Variants in KANK1 observed in about 807,000 individuals in gnomAD.
The protein encoded by KANK1 is KN motif and ankyrin repeat domains 1.
Under a neutral mutation model 106.2 loss-of-function variants are expected in KANK1, and 109 were observed. The observed-to-expected ratio is 1.03, with a 90% CI of 0.88 to 1.20. The LOEUF is 1.20. KANK1 is among the 50% of genes most tolerant of loss of function. The pLI, the probability that KANK1 is intolerant of heterozygous loss-of-function variation, is 0.00. For synonymous variants in KANK1, 873 were observed against 652.2 expected (o/e 1.34, Z -5.16); for missense variants, 2,399 against 1,710.7 (o/e 1.40, Z -7.10).
At chr9:644,809 C>A (rs1839288993) in intron 1 of KANK1, among the ~76,000 whole-genome samples, 2 of 150,990 alleles carry the variant, frequency 1.3e-5, no homozygotes, top group Non-Finnish European at 2.9e-5. Flanking sequence ...CTGAATTCTG[C>A]TGTGACATTT....
At chr9:540,245 A>T (rs1053830971) in intron 1 of KANK1, among the ~76,000 whole-genome samples, 3 of 152,240 alleles carry the variant, frequency 2.0e-5, no homozygotes, top group Non-Finnish European at 2.9e-5. Flanking sequence ...TCATGAAAGG[A>T]TGTTGAATTC....
At chr9:653,618 G>A (rs1365068107) in intron 1 of KANK1, among the ~76,000 whole-genome samples, 1 of 152,106 alleles carries the variant, frequency 6.6e-6, no homozygotes. Context: ...TGATTTCGGA[G>A]GTTTCAAGAG....
chr9:537,244 C>G (rs1046030716), intron 1 of KANK1, among the ~76,000 whole-genome samples: 1 of 152,288 alleles, frequency 6.6e-6, no homozygotes, highest in Non-Finnish European at 1.5e-5. Flanking sequence ...AATTGGACCC[C>G]TCTGTGACAT....
intron 1 of KANK1, among the ~76,000 whole-genome samples, chr9:669,042 A>G (rs565965377): frequency 6.6e-6 from 1 of 152,238 alleles, no homozygotes; most frequent in African/African-American, 2.4e-5. Context: ...CCTGTCTTAG[A>G]TCACAAAAAA....
chr9:542,944 T>A (rs10815182), intron 1 of KANK1, among the ~76,000 whole-genome samples: 64,238 of 151,820 alleles, frequency 0.42, 16,810 homozygotes, highest in East Asian at 0.78. Flanking sequence ...TTCAGTTAAG[T>A]TAAATATGTT....
chr9:570,055 G>A (rs1298666136), intron 1 of KANK1, among the ~76,000 whole-genome samples: 1 of 152,056 alleles, frequency 6.6e-6, no homozygotes, highest in Non-Finnish European at 1.5e-5. Flanking sequence ...GAATAGAATA[G>A]TTTTTTTCTC....
At chr9:578,720 C>T (rs998841820) in intron 1 of KANK1, among the ~76,000 whole-genome samples, 2 of 152,150 alleles carry the variant, frequency 1.3e-5, no homozygotes, top group African/African-American at 2.4e-5. Flanking sequence ...CTCTTCTTTA[C>T]CCTCAAGAAA....
intron 1 of KANK1, among the ~76,000 whole-genome samples, chr9:505,135 G>A (rs2058688371): frequency 6.6e-6 from 1 of 152,140 alleles, no homozygotes; most frequent in Admixed American, 6.5e-5. Context: ...ACCCCGGCCC[G>A]GCGCTCTGTC....
chr9:703,754 C>G lies in KANK1; in HGVS notation c.38-7050C>G, dbSNP rs922165055. Among the ~76,000 whole-genome samples the G allele has an allele frequency of 1.2e-4, 18 of 151,900 alleles. 1 individual carries two copies. The stretch of plus-strand genomic sequence containing the variant: ...TGAGACGGAGTCTTGCTCTGTCACC[C>G]AGGCTGGAATGCAGTGGCGTGATCT... On this transcript the variant is annotated intron_variant, in intron 2 of 11. Transcript: ENST00000382297.
In KANK1 at chr9:730,195, G is replaced by T; in HGVS notation, c.2843G>T (p.Gly948Val). 3 of 1,614,204 alleles carry T rather than the reference G, an allele frequency of 1.9e-6. No homozygotes were observed. The highest frequency in any genetic ancestry group is 2.5e-6 in the Non-Finnish European group (3 of 1,180,042). The change falls in exon 4 of 12, where the codon GGT becomes GTT. Residue 948 changes from glycine (G) to valine (V), a missense_variant. Physicochemically the swap from Gly to Val is moderately radical, Grantham distance 109. Coordinates refer to ENST00000382297, the MANE Select transcript of KANK1 (RefSeq NM_015158.5). ...SSLDAFPTQEGTLSPVNLTDD... is the reference protein window; with the variant it reads ...SSLDAFPTQEVTLSPVNLTDD... ...CTGGATGCCTTCCCCACTCAGGAAG[G>T]TACGCTGTCTCCAGTGAACCTGACA...
intron 2 of KANK1, among the ~76,000 whole-genome samples, chr9:679,414 A>G (rs564153237): frequency 2.0e-4 from 23 of 114,604 alleles, no homozygotes; most frequent in Admixed American, 3.8e-4. Flanking sequence ...ACACTCATAG[A>G]AAAAAAAAAT....
chr9:577,326 T>C (rs1404424559), intron 1 of KANK1, among the ~76,000 whole-genome samples: 1 of 152,024 alleles, frequency 6.6e-6, no homozygotes, highest in African/African-American at 2.4e-5. Context: ...GATTGGTGTG[T>C]TATTACAGAG....
intron 1 of KANK1, among the ~76,000 whole-genome samples, chr9:604,488 C>T (rs1438150750): frequency 6.6e-6 from 1 of 151,762 alleles, no homozygotes; most frequent in African/African-American, 2.4e-5. Flanking sequence ...GTCTCTCCTG[C>T]TGTCATGTGA....
rs144576553 is a variant in KANK1 at position 716,848 on chromosome 9, T to C, written c.2698+3384T>C. 5.8e-4 allele frequency among the ~76,000 whole-genome samples: 88 copies of C among 152,318 alleles called. 2 individuals are homozygous for C. Among genetic ancestry groups the C allele is most frequent in the African/African-American group, 2.1e-3 (86 of 41,576 alleles). On this transcript the variant is annotated intron_variant, in intron 3 of 11. Coordinates refer to ENST00000382297, the MANE Select transcript of KANK1 (RefSeq NM_015158.5). ...TTTTAATTATCTGGTCATGTTATCCTGTGCCTGTAGCCTCAGCTACTCAGG... is the reference window on the plus strand; with the variant it reads ...TTTTAATTATCTGGTCATGTTATCCCGTGCCTGTAGCCTCAGCTACTCAGG...
At chr9:689,826 G>T (rs1819450603) in intron 2 of KANK1, among the ~76,000 whole-genome samples, 1 of 152,140 alleles carries the variant, frequency 6.6e-6, no homozygotes, top group Non-Finnish European at 1.5e-5. Flanking sequence ...CCCTCAGCGT[G>T]GGGTAGCAGA....
At chr9:658,339 A>G (rs527780677) in intron 1 of KANK1, among the ~76,000 whole-genome samples, 77 of 152,272 alleles carry the variant, frequency 5.1e-4, no homozygotes, top group African/African-American at 1.7e-3. Flanking sequence ...GACCAACAGG[A>G]CTAAGCAAAT....
rs149601106 is a variant in KANK1, at chr9:614,188, A to C, written c.-83-62702A>C. Among the ~76,000 whole-genome samples, 743 of 152,298 alleles carry C rather than the reference A, an allele frequency of 4.9e-3. 14 individuals are homozygous for C. The highest frequency in any genetic ancestry group is 0.017 in the African/African-American group (693 of 41,542). ...AGTTACTGACAAGAGTTCACAAACCAGCTGTGAGATAATGGTGTATTGATA... is the reference window on the plus strand; with the variant it reads ...AGTTACTGACAAGAGTTCACAAACCCGCTGTGAGATAATGGTGTATTGATA... On this transcript the variant is annotated intron_variant, in intron 1 of 11. Coordinates refer to ENST00000382297, the MANE Select transcript of KANK1 (RefSeq NM_015158.5).
At position 712,313 on chromosome 9, in the gene KANK1, T is replaced by C. The variant is rs1038905127; in HGVS notation, c.1547T>C (p.Val516Ala). ...CAGCCGCTTGTTTTCAGTAAGGTGGTGGAGGCAGTGGTGCAGACCAGAGAC... is the reference window on the plus strand; with the variant it reads ...CAGCCGCTTGTTTTCAGTAAGGTGGCGGAGGCAGTGGTGCAGACCAGAGAC... ...MAQPLVFSKV[V>A]EAVVQTRDQM... Residue 516 changes from valine to alanine, a missense_variant, in exon 3 of 12, where the codon GTG (valine) becomes GCG (alanine). Val to Ala is a moderately conservative substitution (Grantham distance 64, BLOSUM62 0). Transcript: ENST00000382297. 2.5e-6 allele frequency: 4 copies of C among 1,614,118 alleles called. No homozygotes were observed. The highest frequency in any genetic ancestry group is 3.4e-6 in the Non-Finnish European group (4 of 1,180,030).
At position 740,850 on chromosome 9, in the gene KANK1, C is replaced by T; in HGVS notation, c.3612C>T (p.Ala1204=). Reference sequence around the variant, plus strand: ...GCTACACCCCCATCATGTTGGCGGCCCTCGCCGCTGTGGAAGCAGAGAAGG... The same window carrying T: ...GCTACACCCCCATCATGTTGGCGGCTCTCGCCGCTGTGGAAGCAGAGAAGG... ...KAGYTPIMLA[A]LAAVEAEKDM... Residue 1204 remains alanine (A), a synonymous_variant, in exon 9 of 12, where the codon GCC becomes GCT. Transcript: ENST00000382297. The T allele has an allele frequency of 6.2e-7, 1 of 1,613,886 alleles. No homozygotes were observed.
Sources: gnomAD v4.1 joint callset for allele counts (sites outside exome capture counted in the v4.1 genomes callset) on GRCh38, gnomAD v4.1.1 for gene constraint, MANE v1.5 for transcripts, NCBI Gene and HGNC (gene_info 2026-07-23, HGNC 2026-07-21) for gene names.